Variants in SOX6 observed in about 807,000 individuals in gnomAD.
SOX6 encodes transcription factor SOX-6.
In SOX6, 11 loss-of-function variants were observed where a neutral mutation model predicts 97.8. The ratio of observed to expected loss-of-function variants is 0.11; its 90% CI spans 0.07 to 0.19. The LOEUF (loss-of-function observed/expected upper bound fraction) is 0.19. SOX6 is among the 10% of genes least tolerant of loss of function. The pLI is 1.00. For missense variants in SOX6, 810 were observed against 1,039.5 expected, an observed-to-expected ratio of 0.78 and a Z score of 3.04; for synonymous variants, 360 against 371.4, an observed-to-expected ratio of 0.97 and a Z score of 0.35.
chr11:16,569,868 C>CAAAAAAAAAAAAAAAAAAAAAAAAAA (rs34604334), intron 4 of SOX6, among the ~76,000 whole-genome samples: 55 of 84,756 alleles, frequency 6.5e-4, no homozygotes, highest in Middle Eastern at 6.8e-3. Flanking sequence ...GACTCCGTCT[C>CAAAAAAAAAAAAAAAAAAAAAAAAAA]AAAAAAAAAA....
intron 4 of SOX6, among the ~76,000 whole-genome samples, chr11:16,509,398 C>T (rs1860843296): frequency 6.6e-6 from 1 of 151,928 alleles, no homozygotes; most frequent in African/African-American, 2.4e-5. Flanking sequence ...TAATTGCAAG[C>T]ATCTTTTACA....
At chr11:16,075,021 A>C (rs1464557631) in intron 9 of SOX6, among the ~76,000 whole-genome samples, 2 of 152,104 alleles carry the variant, frequency 1.3e-5, no homozygotes, top group Non-Finnish European at 2.9e-5. Context: ...CAAAACAAAC[A>C]AACAAAAACA....
At chr11:16,357,609 T>G (rs930268317), upstream of SOX6, among the ~76,000 whole-genome samples, 1 of 152,188 alleles carries the variant, frequency 6.6e-6, no homozygotes, top group South Asian at 2.1e-4. Flanking sequence ...GACACATTGC[T>G]TGCACATCAT....
intron 6 of SOX6, among the ~76,000 whole-genome samples, chr11:16,132,327 G>GAAA (rs1849778635): frequency 9.0e-5 from 6 of 66,944 alleles, no homozygotes; most frequent in Non-Finnish European, 1.2e-4. Flanking sequence ...AGGAAGGAAG[G>GAAA]AAGGAAAGAA....
At chr11:16,544,557 G>A (rs542309420) in intron 4 of SOX6, among the ~76,000 whole-genome samples, 3 of 152,228 alleles carry the variant, frequency 2.0e-5, no homozygotes, top group African/African-American at 7.2e-5. Context: ...ACCACACCCA[G>A]CCAAAAAGTG....
chr11:16,229,590 T>G (rs1852788791), intron 4 of SOX6, among the ~76,000 whole-genome samples: 1 of 151,922 alleles, frequency 6.6e-6, no homozygotes, highest in African/African-American at 2.4e-5. Flanking sequence ...ATATGGGATC[T>G]ATAACAGCAA....
At chr11:16,522,519 C>T (rs1461954805) in intron 4 of SOX6, among the ~76,000 whole-genome samples, 1 of 152,128 alleles carries the variant, frequency 6.6e-6, no homozygotes, top group South Asian at 2.1e-4. Flanking sequence ...CCAGCCACTG[C>T]AAAATCATGC....
chr11:16,543,685 A>G (rs774562796), intron 4 of SOX6, among the ~76,000 whole-genome samples: 1 of 152,232 alleles, frequency 6.6e-6, no homozygotes, highest in Non-Finnish European at 1.5e-5. Flanking sequence ...CAAGCACATG[A>G]AAAGATGCTC....
intron 3 of SOX6, among the ~76,000 whole-genome samples, chr11:16,267,180 A>T (rs1420890184): frequency 7.0e-6 from 1 of 142,626 alleles, no homozygotes; most frequent in East Asian, 2.1e-4. Context: ...AAAAGCAAAA[A>T]TAGACAAATG....
intron 9 of SOX6, among the ~76,000 whole-genome samples, chr11:16,070,154 C>CAAATAAATAAAT (rs928746397): frequency 6.6e-6 from 1 of 151,922 alleles, no homozygotes; most frequent in South Asian, 2.1e-4. Context: ...GACTCCATCT[C>CAAATAAATAAAT]AAATAAATAA....
chr11:16,019,304 ATGTGGT>A (rs1854981288), intron 12 of SOX6, among the ~76,000 whole-genome samples: 2 of 152,054 alleles, frequency 1.3e-5, no homozygotes, highest in African/African-American at 4.8e-5. Flanking sequence ...CTGGTCAATG[ATGTGGT>A]ATATTTCATT....
At chr11:16,214,511 T>G (rs1432988826) in intron 4 of SOX6, among the ~76,000 whole-genome samples, 1 of 152,160 alleles carries the variant, frequency 6.6e-6, no homozygotes, top group Non-Finnish European at 1.5e-5. Flanking sequence ...TCTCCTAACT[T>G]ACATTCTTGG....
chr11:16,491,205 A>T (rs541544508), intron 4 of SOX6, among the ~76,000 whole-genome samples: 1 of 152,224 alleles, frequency 6.6e-6, no homozygotes, highest in African/African-American at 2.4e-5. Flanking sequence ...ATGCAAGAGC[A>T]TTGTACAAAA....
chr11:16,100,410 G>A (rs1047588269), intron 7 of SOX6, among the ~76,000 whole-genome samples: 3 of 151,764 alleles, frequency 2.0e-5, no homozygotes, highest in Admixed American at 6.6e-5. Flanking sequence ...TGTCCATTCT[G>A]TAAATCCATT....
intron 4 of SOX6, among the ~76,000 whole-genome samples, chr11:16,511,604 T>C (rs1387222779): frequency 6.6e-6 from 1 of 152,156 alleles, no homozygotes; most frequent in Admixed American, 6.6e-5. Context: ...TGTTGCCCCT[T>C]GCATCCACCC....
At chr11:15,999,475 C>T (rs576619094) in intron 13 of SOX6, among the ~76,000 whole-genome samples, 2 of 152,138 alleles carry the variant, frequency 1.3e-5, no homozygotes, top group South Asian at 2.1e-4. Context: ...TATATCCATA[C>T]AATGGGATAC....
intron 3 of SOX6, among the ~76,000 whole-genome samples, chr11:16,702,512 A>G (rs532235099): frequency 6.6e-6 from 1 of 152,288 alleles, no homozygotes; most frequent in East Asian, 1.9e-4. Context: ...AAACTTGGTA[A>G]CTATGTAAAT....
chr11:16,516,005 G>C (rs1006706810), intron 4 of SOX6, among the ~76,000 whole-genome samples: 10 of 151,868 alleles, frequency 6.6e-5, no homozygotes, highest in Non-Finnish European at 1.3e-4. Flanking sequence ...TTGTTCTTTT[G>C]GCTTTGGATT....
At chr11:16,545,920 C>A (rs1050063663) in intron 4 of SOX6, among the ~76,000 whole-genome samples, 9 of 152,060 alleles carry the variant, frequency 5.9e-5, no homozygotes, top group Admixed American at 5.9e-4. Context: ...CCATCGCACT[C>A]CAGCTTGGGT....
Sources: gnomAD v4.1 joint callset for allele counts (sites outside exome capture counted in the v4.1 genomes callset) on GRCh38, gnomAD v4.1.1 for gene constraint, MANE v1.5 for transcripts, NCBI Gene and HGNC (gene_info 2026-07-23, HGNC 2026-07-21) for gene names.